The following TRPC4 variants were observed in gnomAD, a reference collection of about 807,000 sequenced individuals.
The protein encoded by TRPC4 is short transient receptor potential channel 4.
In TRPC4, 49 loss-of-function variants were observed where a neutral mutation model predicts 99.4. The ratio of observed to expected loss-of-function variants is 0.49; its 90% confidence interval spans 0.39 to 0.63. The LOEUF is 0.63. Ranked by LOEUF, TRPC4 falls within the 20% of genes least tolerant of loss-of-function variation. The pLI is 0.00. For missense variants in TRPC4, 898 were observed against 1,152.9 expected, an observed-to-expected ratio of 0.78 and a Z score of 3.20; for synonymous variants, 454 against 425.9, an observed-to-expected ratio of 1.07 and a Z score of -0.81.
intron 4 of TRPC4, among the ~76,000 whole-genome samples, chr13:37,690,339 G>C (rs1183713857): frequency 6.6e-6 from 1 of 152,100 alleles, no homozygotes; most frequent in Admixed American, 6.5e-5. Flanking sequence ...TTTTGAGGCA[G>C]AGTCTCACTT....
chr13:37,807,220 C>T (rs991065429), intron 1 of TRPC4, among the ~76,000 whole-genome samples: 1 of 151,876 alleles, frequency 6.6e-6, no homozygotes, highest in African/African-American at 2.4e-5. Flanking sequence ...ATAGTTCTTA[C>T]CAGGCCTCAA....
rs764183911 is a variant in TRPC4, at chr13:37,739,978, G to A, written c.897+5959C>T. ...AAAACAAAAGATTCTAAGACAGTCAGTGGTTAACAATGGTCAGCTATGCCG... is the reference window on the plus strand; with the variant it reads ...AAAACAAAAGATTCTAAGACAGTCAATGGTTAACAATGGTCAGCTATGCCG... On this transcript the variant is annotated intron_variant, in intron 3 of 10. Coordinates refer to ENST00000379705, the MANE Select transcript of TRPC4 (RefSeq NM_016179.4). Among the ~76,000 whole-genome samples the A allele has an allele frequency of 5.5e-4, 84 of 152,260 alleles. 1 individual carries two copies. The highest frequency in any genetic ancestry group is 1.1e-3 in the Non-Finnish European group (77 of 68,018).
chr13:37,829,629 A>G (rs9532124), intron 1 of TRPC4, among the ~76,000 whole-genome samples: 38,367 of 152,088 alleles, frequency 0.25, 5,539 homozygotes, highest in Middle Eastern at 0.34. Flanking sequence ...ATGACCCAGC[A>G]ATTCTACTTC....
intron 4 of TRPC4, among the ~76,000 whole-genome samples, chr13:37,675,375 A>G (rs191158141): frequency 7.2e-5 from 11 of 152,326 alleles, no homozygotes; most frequent in Admixed American, 1.3e-4. Flanking sequence ...GCGGCAGAGT[A>G]TGCAAGGAAG....
intron 3 of TRPC4, among the ~76,000 whole-genome samples, chr13:37,724,824 T>C (rs1169342207): frequency 6.6e-6 from 1 of 152,200 alleles, no homozygotes; most frequent in Non-Finnish European, 1.5e-5. Context: ...TAATCTCTTG[T>C]TAAATAATTT....
At chr13:37,825,251 G>GT (rs1958167572) in intron 1 of TRPC4, among the ~76,000 whole-genome samples, 1 of 151,672 alleles carries the variant, frequency 6.6e-6, no homozygotes, top group South Asian at 2.1e-4. Flanking sequence ...TTTTTGAAGG[G>GT]TTTTTTGTGT....
At chr13:37,695,891 C>A (rs1593531404) in intron 3 of TRPC4, among the ~76,000 whole-genome samples, 1 of 152,028 alleles carries the variant, frequency 6.6e-6, no homozygotes, top group East Asian at 1.9e-4. Context: ...GCCACAATGG[C>A]AACAAAGAAA....
chr13:37,791,398 TA>T (rs11312586), intron 1 of TRPC4, among the ~76,000 whole-genome samples: 62,297 of 114,638 alleles, frequency 0.54, 14,971 homozygotes, highest in Middle Eastern at 0.66. Flanking sequence ...TCTGTCTCAA[TA>T]AAAAAAAAAA....
At chr13:37,803,818 G>A (rs765635380) in intron 1 of TRPC4, among the ~76,000 whole-genome samples, 2 of 151,462 alleles carry the variant, frequency 1.3e-5, no homozygotes, top group Non-Finnish European at 2.9e-5. Flanking sequence ...AAGGAAAGAG[G>A]CAGAGCCAAG....
At chr13:37,702,631 T>A (rs572689377) in intron 3 of TRPC4, among the ~76,000 whole-genome samples, 18 of 152,274 alleles carry the variant, frequency 1.2e-4, no homozygotes, top group African/African-American at 4.3e-4. Context: ...TATATCATAT[T>A]TTAAAATTTT....
At chr13:37,670,578 C>G (rs1952805204) in intron 5 of TRPC4, among the ~76,000 whole-genome samples, 1 of 152,192 alleles carries the variant, frequency 6.6e-6, no homozygotes, top group African/African-American at 2.4e-5. Context: ...ATTACTAAAT[C>G]ACATATCTTC....
chr13:37,859,743 A>C (rs1959214555), intron 1 of TRPC4, among the ~76,000 whole-genome samples: 1 of 151,502 alleles, frequency 6.6e-6, no homozygotes, highest in Non-Finnish European at 1.5e-5. Flanking sequence ...GAGAACTCTT[A>C]ATCTGTCAAG....
chr13:37,647,668 A>G (rs886398016), intron 8 of TRPC4, among the ~76,000 whole-genome samples: 1 of 152,230 alleles, frequency 6.6e-6, no homozygotes, highest in African/African-American at 2.4e-5. Flanking sequence ...GAGCTAAATG[A>G]TATCTAAGAT....
At chr13:37,744,803 C>G (rs185081569) in intron 3 of TRPC4, among the ~76,000 whole-genome samples, 91 of 152,166 alleles carry the variant, frequency 6.0e-4, no homozygotes, top group Non-Finnish European at 1.1e-3. Flanking sequence ...GAACAGAGAA[C>G]CAATATTTTC....
chr13:37,846,199 G>A (rs543730785), intron 1 of TRPC4, among the ~76,000 whole-genome samples: 4 of 152,248 alleles, frequency 2.6e-5, no homozygotes, highest in South Asian at 4.1e-4. Flanking sequence ...AAGGTGAGAT[G>A]AAAGGCTACT....
intron 3 of TRPC4, among the ~76,000 whole-genome samples, chr13:37,721,301 T>C (rs116391200): frequency 6.6e-6 from 1 of 152,160 alleles, no homozygotes; most frequent in East Asian, 1.9e-4. Context: ...ATTATATTTT[T>C]AATTTCAAAA....
chr13:37,707,874 A>T (rs1379641782), intron 3 of TRPC4, among the ~76,000 whole-genome samples: 1 of 152,138 alleles, frequency 6.6e-6, no homozygotes, highest in African/African-American at 2.4e-5. Flanking sequence ...TTTTCACTTA[A>T]GAAATGATAA....
intron 5 of TRPC4, among the ~76,000 whole-genome samples, chr13:37,664,880 A>G (rs1226235657): frequency 1.3e-5 from 2 of 152,136 alleles, no homozygotes; most frequent in South Asian, 2.1e-4. Context: ...TGGGGAGACA[A>G]TGTATTATAG....
At chr13:37,831,265 A>G (rs1958414743) in intron 1 of TRPC4, among the ~76,000 whole-genome samples, 3 of 152,220 alleles carry the variant, frequency 2.0e-5, no homozygotes, top group Admixed American at 2.0e-4. Flanking sequence ...CATACAAATA[A>G]ACAGTAGATG....
Sources: gnomAD v4.1 joint callset for allele counts (sites outside exome capture counted in the v4.1 genomes callset) on GRCh38, gnomAD v4.1.1 for gene constraint, MANE v1.5 for transcripts, NCBI Gene and HGNC (gene_info 2026-07-23, HGNC 2026-07-21) for gene names.